Variants in CD46 observed in about 807,000 individuals in gnomAD.
CD46 encodes the protein CD46 molecule.
Under a neutral mutation model 53.3 loss-of-function variants are expected in CD46, and 30 were observed. That is an observed-to-expected ratio of 0.56 (90% CI 0.42 to 0.76). CD46 has a LOEUF of 0.76. Ranked by LOEUF, CD46 falls within the 30% of genes least tolerant of loss-of-function variation. CD46 has a pLI of 0.00. For missense variants in CD46, 409 were observed against 463.0 expected (o/e 0.88, Z 1.07); for synonymous variants, 142 against 152.0 (o/e 0.93, Z 0.48).
intron 9 of CD46, among the ~76,000 whole-genome samples, chr1:207,783,900 A>G (rs1278977014): frequency 6.6e-6 from 1 of 152,206 alleles, no homozygotes; most frequent in Non-Finnish European, 1.5e-5. Context: ...TTATGAGATG[A>G]GAAGAGCAGA....
intron 8 of CD46, among the ~76,000 whole-genome samples, chr1:207,774,324 G>C (rs917011791): frequency 3.9e-5 from 6 of 152,046 alleles, no homozygotes; most frequent in Non-Finnish European, 2.9e-5. Flanking sequence ...GATGGGTCTT[G>C]ACTCTTTATC....
intron 3 of CD46, among the ~76,000 whole-genome samples, chr1:207,759,071 ACT>A (rs778304937): frequency 1.3e-4 from 20 of 152,096 alleles, no homozygotes; most frequent in South Asian, 6.2e-4. Context: ...CTAGAAATAC[ACT>A]CTGTTCTAAA....
intron 4 of CD46, chr1:207,760,513 A>C (rs1342106128): frequency 1.3e-5 from 2 of 152,242 alleles, no homozygotes; most frequent in African/African-American, 4.8e-5. Context: ...CGAGTTAAGC[A>C]TATTTTCTCA....
chr1:207,765,176 G>C (rs1004888039), intron 5 of CD46, among the ~76,000 whole-genome samples: 2 of 152,078 alleles, frequency 1.3e-5, no homozygotes, highest in Non-Finnish European at 2.9e-5. Context: ...CACATCAGTA[G>C]ACTATTAAGG....
chr1:207,777,456 A>G (rs1558069353), intron 8 of CD46, among the ~76,000 whole-genome samples: 2 of 152,108 alleles, frequency 1.3e-5, no homozygotes, highest in African/African-American at 2.4e-5. Context: ...CTAGTACCCA[A>G]TAGTTACCTT....
Position 207,770,594 on chromosome 1 carries a change from AC to A in CD46, c.943+235del, listed in dbSNP as rs1399320333. Among the ~76,000 whole-genome samples the A allele has an allele frequency of 2.0e-5, 3 of 151,574 alleles. No individual in the cohort carries two copies. The East Asian group carries it at 5.8e-4, about 29-fold the overall frequency. On this transcript the variant is annotated intron_variant, in intron 8 of 12. Transcript: ENST00000367042. ...CAGGCCCCAGTGTGTGATGTTCCCC[AC>A]CCTGTGTCCATGTGTTCTCGTTGTT...
At chr1:207,764,228 G>A (rs1290495069) in intron 5 of CD46, among the ~76,000 whole-genome samples, 4 of 152,294 alleles carry the variant, frequency 2.6e-5, no homozygotes, top group Admixed American at 6.5e-5. Context: ...GGGTGTGCAC[G>A]GAGCTGCGGT....
chr1:207,786,138 A>C, intron 11 of CD46: 1 of 161,448 alleles, frequency 6.2e-6, no homozygotes, highest in South Asian at 1.6e-4. Flanking sequence ...GCAAGAAGCT[A>C]TGTAGGCATA....
chr1:207,757,699 C>T (rs891537563), intron 3 of CD46, 57 bp downstream of exon 3: 27 of 1,130,622 alleles, frequency 2.4e-5, no homozygotes, highest in Non-Finnish European at 3.3e-5. Context: ...TTTTGTTTTG[C>T]TTCTCTTCTT....
Position 207,795,303 on chromosome 1 carries a change from A to C in CD46, c.*1826A>C, listed in dbSNP as rs749065880. ...TATATGTATAAATATGTATTTTGTC[A>C]AATTTGTTACTTAAATATATAGAGA... On this transcript the variant is annotated 3_prime_UTR_variant, in exon 13 of 13. Coordinates refer to ENST00000367042, the MANE Select transcript of CD46 (RefSeq NM_172351.3). 1 of 152,154 alleles carries C rather than the reference A, an allele frequency of 6.6e-6. No individual in the cohort carries two copies. The highest frequency in any genetic ancestry group is 1.5e-5 in the Non-Finnish European group (1 of 68,022). The allele number at this position is 152,154 out of a possible 1,614,324, so 9.4% of individuals were successfully genotyped here.
chr1:207,783,368 T>C, intron 9 of CD46, 38 bp downstream of exon 9: 1 of 1,313,610 alleles, frequency 7.6e-7, no homozygotes, highest in South Asian at 1.2e-5. Context: ...AGTGGTAGTA[T>C]GTGTAGAAAC....
Position 207,757,583 on chromosome 1 carries a change from A to G in CD46, c.330A>G (p.Ala110=), listed in dbSNP as rs1174577031. 2.5e-6 allele frequency: 4 copies of G among 1,611,796 alleles called. No individual in the cohort carries two copies. Among genetic ancestry groups the G allele is most frequent in the Non-Finnish European group, 3.4e-6 (4 of 1,178,658 alleles). Residue 110 remains alanine (A), a synonymous_variant, in exon 3 of 13, where the codon GCA becomes GCG. Transcript: ENST00000367042. ...PYIRDPLNGQ[A]VPANGTYEFG... is the part of the protein sequence containing the mutation. ...TACGGGATCCTTTAAATGGCCAAGC[A>G]GTCCCTGCAAATGGGACTTACGAGT...
intron 1 of CD46, among the ~76,000 whole-genome samples, chr1:207,754,583 A>G (rs1341214428): frequency 6.6e-6 from 1 of 152,120 alleles, no homozygotes; most frequent in Non-Finnish European, 1.5e-5. Context: ...AATTAAATAT[A>G]CTATTTGGCT....
chr1:207,788,283 G>A (rs934530277), intron 11 of CD46, among the ~76,000 whole-genome samples: 9 of 151,432 alleles, frequency 5.9e-5, no homozygotes, highest in African/African-American at 2.2e-4. Flanking sequence ...TTGGGAGGCC[G>A]AGGCGGGCAG....
chr1:207,753,039 C>T (rs1655100521), intron 1 of CD46, among the ~76,000 whole-genome samples: 1 of 150,812 alleles, frequency 6.6e-6, no homozygotes, highest in Non-Finnish European at 1.5e-5. Flanking sequence ...CTCCGTGTTA[C>T]CTGAGCTCCT....
intron 12 of CD46, among the ~76,000 whole-genome samples, chr1:207,792,405 T>A (rs191868818): frequency 1.3e-5 from 2 of 152,296 alleles, no homozygotes; most frequent in African/African-American, 2.4e-5. Context: ...AGTATAGTAA[T>A]GACGCAGTAG....
chr1:207,760,996 A>G (rs1483313221), intron 4 of CD46: 7 of 455,560 alleles, frequency 1.5e-5, no homozygotes, highest in Admixed American at 1.4e-4. Context: ...TTTGGTGGGG[A>G]CACAGATCCA....
intron 1 of CD46, among the ~76,000 whole-genome samples, chr1:207,756,314 C>T (rs1229875174): frequency 2.0e-5 from 3 of 152,206 alleles, no homozygotes; most frequent in Non-Finnish European, 4.4e-5. Flanking sequence ...GCAACAGACT[C>T]ATCAGGAGTA....
At chr1:207,774,889 T>G (rs1230542922) in intron 8 of CD46, among the ~76,000 whole-genome samples, 3 of 152,220 alleles carry the variant, frequency 2.0e-5, no homozygotes, top group African/African-American at 7.2e-5. Context: ...AAGGAGTATT[T>G]TTGTGGTGTT....
Sources: allele counts gnomAD v4.1 joint callset (sites outside exome capture counted in the v4.1 genomes callset), GRCh38; gene constraint gnomAD v4.1.1; transcripts MANE v1.5; gene names NCBI Gene and HGNC (gene_info 2026-07-23, HGNC 2026-07-21).